SGK3: variants seen among roughly 807,000 people sequenced by gnomAD.
SGK3 encodes the protein serum/glucocorticoid regulated kinase family member 3, also known as serine/threonine-protein kinase Sgk3.
Under a neutral mutation model 68.5 loss-of-function variants are expected in SGK3, and 47 were observed. The ratio of observed to expected loss-of-function variants is 0.69; its 90% CI spans 0.54 to 0.87. The LOEUF (loss-of-function observed/expected upper bound fraction) is 0.87, where lower values mean the gene tolerates loss of function less well. Among genes scored for constraint, SGK3 ranks in the 40% least tolerant of loss-of-function variants. The pLI is 0.00. For missense variants in SGK3, 479 were observed against 575.5 expected, an observed-to-expected ratio of 0.83 and a Z score of 1.72; for synonymous variants, 181 against 189.1, an observed-to-expected ratio of 0.96 and a Z score of 0.35.
chr8:66,825,982 CT>C (rs1405303305), intron 6 of SGK3, among the ~76,000 whole-genome samples: 14 of 148,842 alleles, frequency 9.4e-5, no homozygotes, highest in South Asian at 2.1e-4. Context: ...CTTCCTTCAT[CT>C]TTTTTTTTTG....
chr8:66,781,293 G>A (rs1585707139), intron 1 of SGK3, among the ~76,000 whole-genome samples: 1 of 152,304 alleles, frequency 6.6e-6, no homozygotes, highest in East Asian at 1.9e-4. Context: ...CAAGTGGAGG[G>A]ACATGACATG....
chr8:66,818,276 C>CCAAAA (rs1483619141), intron 5 of SGK3, among the ~76,000 whole-genome samples: 6 of 152,180 alleles, frequency 3.9e-5, no homozygotes, highest in Non-Finnish European at 5.9e-5. Context: ...ACTTGACACA[C>CCAAAA]CAAAACAAAA....
chr8:66,758,427 ATTAT>A (rs1806054995), intron 1 of SGK3, among the ~76,000 whole-genome samples: 1 of 152,168 alleles, frequency 6.6e-6, no homozygotes, highest in Admixed American at 6.6e-5. Context: ...TTAGCATTAT[ATTAT>A]TTGTTTGCAA....
intron 4 of SGK3, among the ~76,000 whole-genome samples, chr8:66,808,187 T>C (rs951337266): frequency 1.3e-5 from 2 of 152,188 alleles, no homozygotes; most frequent in South Asian, 4.1e-4. Flanking sequence ...CCTTTGACTT[T>C]GGAACCATGT....
intron 2 of SGK3, among the ~76,000 whole-genome samples, chr8:66,795,390 ATT>A (rs1807638480): frequency 6.6e-6 from 1 of 152,242 alleles, no homozygotes; most frequent in African/African-American, 2.4e-5. Context: ...TTTGTTGCAC[ATT>A]TGTATAAGCA....
At position 66,828,673 on chromosome 8, in the gene SGK3, A is replaced by G; in HGVS notation, c.437A>G (p.Asn146Ser). ...TCACAGCTACACTCTACCTCACAGA[A>G]CATCAACCTGGGACCGTCTGGAAAT... ...SSQKLHSTSQ[N>S]INLGPSGNPH... The change falls in exon 7 of 17, where the codon AAC becomes AGC. Residue 146 changes from asparagine (N) to serine (S), a missense_variant. Physicochemically the swap from Asn to Ser is conservative, Grantham distance 46. Transcript: ENST00000521198. 6.2e-7 allele frequency: 1 copy of G among 1,614,030 alleles called. No individual in the cohort carries two copies. Among genetic ancestry groups the G allele is most frequent in the Non-Finnish European group, 8.5e-7 (1 of 1,180,008 alleles).
intron 16 of SGK3, among the ~76,000 whole-genome samples, chr8:66,857,934 A>G (rs1314394979): frequency 6.6e-6 from 1 of 152,088 alleles, no homozygotes; most frequent in East Asian, 1.9e-4. Context: ...CTTAATTTTC[A>G]TATCAGGACT....
At position 66,822,508 on chromosome 8, in the gene SGK3, G is replaced by C. The variant is rs1193808817; in HGVS notation, c.417+49G>C. 3 of 1,566,004 alleles carry C rather than the reference G, an allele frequency of 1.9e-6. No homozygotes were observed. The South Asian group carries it at 3.5e-5, about 18-fold the overall frequency. On this transcript the variant is annotated intron_variant, in intron 6 of 16. Coordinates refer to ENST00000521198, the MANE Select transcript of SGK3 (RefSeq NM_001033578.3). ...TAATAGAAAAAATACTATTCCAAAG[G>C]TGAAATTAGTGGCTTTAGGACACTT...
chr8:66,813,099 C>G (rs1223322921), intron 4 of SGK3, among the ~76,000 whole-genome samples: 1 of 151,816 alleles, frequency 6.6e-6, no homozygotes, highest in Non-Finnish European at 1.5e-5. Context: ...ACAAAAAATA[C>G]AAAAATTAGC....
intron 6 of SGK3, 91 bp from the exon 7 acceptor site, chr8:66,828,563 T>A: frequency 6.4e-7 from 1 of 1,571,806 alleles, no homozygotes; most frequent in Non-Finnish European, 8.7e-7. Flanking sequence ...ACCAAATATT[T>A]GTGGTACAGT....
intron 1 of SGK3, among the ~76,000 whole-genome samples, chr8:66,741,943 C>T (rs1448777592): frequency 6.6e-6 from 1 of 152,144 alleles, no homozygotes; most frequent in African/African-American, 2.4e-5. Context: ...GGGGCAGTGC[C>T]CCAGGGCCCC....
At chr8:66,724,481 C>A (rs1048805763) in intron 1 of SGK3, among the ~76,000 whole-genome samples, 3 of 152,160 alleles carry the variant, frequency 2.0e-5, no homozygotes, top group African/African-American at 7.2e-5. Flanking sequence ...GAGGCTGAGG[C>A]AGGAAAATTG....
At chr8:66,792,725 CAA>C (rs750262232) in intron 1 of SGK3, among the ~76,000 whole-genome samples, 6 of 150,872 alleles carry the variant, frequency 4.0e-5, no homozygotes, top group Non-Finnish European at 7.4e-5. Flanking sequence ...AAGAAAAAAA[CAA>C]AAAAAAAGTA....
chr8:66,848,132 A>G (rs1810110651), intron 15 of SGK3, among the ~76,000 whole-genome samples: 1 of 152,182 alleles, frequency 6.6e-6, no homozygotes, highest in Admixed American at 6.5e-5. Flanking sequence ...TCCCCAGTTC[A>G]GCTGGTAGCT....
In SGK3 at chr8:66,836,069, G is replaced by A; in HGVS notation, c.736G>A (p.Gly246Arg). Residue 246 changes from glycine to arginine, a missense_variant, in exon 10 of 17, where the codon GGG (glycine) becomes AGG (arginine). By Grantham distance (125) the Gly-to-Arg change is moderately radical. Transcript: ENST00000521198. Reference protein sequence around the residue: ...LYFVLDFVNGGELFFHLQRER... With the variant: ...LYFVLDFVNGRELFFHLQRER... ...TTTTGTTCTGGATTTTGTTAATGGA[G>A]GGGAGGTGAGTTTTATAATGAGTTT... is the stretch of plus-strand genomic sequence containing the variant. 2 of 1,610,872 alleles carry A rather than the reference G, an allele frequency of 1.2e-6. No homozygotes were observed. The highest frequency in any genetic ancestry group is 8.5e-7 in the Non-Finnish European group (1 of 1,178,788).
chr8:66,752,173 G>A (rs1805837257), intron 1 of SGK3, among the ~76,000 whole-genome samples: 1 of 152,180 alleles, frequency 6.6e-6, no homozygotes, highest in Non-Finnish European at 1.5e-5. Context: ...GGATGTCAGG[G>A]TGGAAGCTGA....
chr8:66,860,661 A>G lies in SGK3; in HGVS notation c.*1080A>G, dbSNP rs887018903. ...AATGTCTGTCATATATTTATATTAC[A>G]AATACATTATATTTATGTTCTATTC... On this transcript the variant is annotated 3_prime_UTR_variant, in exon 17 of 17. Coordinates refer to ENST00000521198, the MANE Select transcript of SGK3 (RefSeq NM_001033578.3). 6.6e-6 allele frequency: 1 copy of G among 152,216 alleles called. No individual in the cohort carries two copies. Among genetic ancestry groups the G allele is most frequent in the African/African-American group, 2.4e-5 (1 of 41,460 alleles). The allele number at this position is 152,216 out of a possible 1,614,324, so 9.4% of individuals were successfully genotyped here.
At chr8:66,856,258 G>C (rs1025053493) in intron 16 of SGK3, among the ~76,000 whole-genome samples, 1 of 152,052 alleles carries the variant, frequency 6.6e-6, no homozygotes, top group Non-Finnish European at 1.5e-5. Context: ...TAGTAGAGAT[G>C]GGGTTCCATC....
intron 1 of SGK3, among the ~76,000 whole-genome samples, chr8:66,722,035 G>A (rs910685556): frequency 2.0e-5 from 3 of 152,072 alleles, no homozygotes; most frequent in Non-Finnish European, 2.9e-5. Flanking sequence ...ACTTACAGAA[G>A]AAGCAATACT....
Sources: gnomAD v4.1 joint callset for allele counts (sites outside exome capture counted in the v4.1 genomes callset) on GRCh38, gnomAD v4.1.1 for gene constraint, MANE v1.5 for transcripts, NCBI Gene and HGNC (gene_info 2026-07-23, HGNC 2026-07-21) for gene names.